Variants in SHROOM1 observed in about 807,000 individuals in gnomAD.
SHROOM1 encodes the protein shroom family member 1.
SHROOM1 carries 53 observed loss-of-function variants against 64.2 expected under a neutral mutation model. The ratio of observed to expected loss-of-function variants is 0.83; its 90% CI spans 0.66 to 1.04. The LOEUF (loss-of-function observed/expected upper bound fraction) is 1.04. Ranked by LOEUF, SHROOM1 falls within the 50% of genes least tolerant of loss-of-function variation. The pLI is 0.00. For missense variants in SHROOM1, 1,179 were observed against 1,163.2 expected (o/e 1.01, Z -0.20); for synonymous variants, 490 against 518.9 (o/e 0.94, Z 0.76).
At chr5:132,828,190 G>A (rs1581235522) in intron 1 of SHROOM1, among the ~76,000 whole-genome samples, 1 of 152,230 alleles carries the variant, frequency 6.6e-6, no homozygotes, top group East Asian at 1.9e-4. Flanking sequence ...TGAGGCCCAG[G>A]ATGTTACAGA....
In SHROOM1 at chr5:132,824,342, G is replaced by C. The variant is rs150299882; in HGVS notation, c.1319C>G (p.Pro440Arg). ...TGCAGTTCCTGGACACTCATGGAGC[G>C]GGTACTCTGTGGGGACTGTAACCTG... ...TGQVTVPTEY[P>R]LHECPGTAGA... The change falls in exon 7 of 10, where the codon CCG becomes CGG. Residue 440 changes from proline (P) to arginine (R), a missense_variant. Transcript: ENST00000378679. The C allele has an allele frequency of 2.7e-5, 44 of 1,608,142 alleles. No homozygotes were observed. Among genetic ancestry groups the C allele is most frequent in the Non-Finnish European group, 3.2e-5 (38 of 1,177,146 alleles).
At position 132,824,620 on chromosome 5, in the gene SHROOM1, TG is replaced by T; in HGVS notation, c.1235del (p.Pro412GlnfsTer15). 1 of 1,606,666 alleles carries T rather than the reference TG, an allele frequency of 6.2e-7. No individual in the cohort carries two copies. The highest frequency in any genetic ancestry group is 8.5e-7 in the Non-Finnish European group (1 of 1,174,560). On this transcript the variant is annotated frameshift_variant, in exon 6 of 10. Transcript: ENST00000378679. LOFTEE classifies it high-confidence loss of function. ...PPDPHASQGP[P>X]ASVHASDQPY... Reference sequence around the variant, plus strand: ...TGGAAGCAAGAGGGAATTACCTGGCTGGGGGCCCCTGGGAGGCATGGGGGTC... The same window carrying T: ...TGGAAGCAAGAGGGAATTACCTGGCTGGGGCCCCTGGGAGGCATGGGGGTC...
At chr5:132,828,388 G>A (rs1380403782) in intron 1 of SHROOM1, among the ~76,000 whole-genome samples, 1 of 152,172 alleles carries the variant, frequency 6.6e-6, no homozygotes, top group East Asian at 1.9e-4. Context: ...CTCACACTTA[G>A]GGTTGGGGAC....
chr5:132,822,994 G>T lies in SHROOM1; in HGVS notation c.2361C>A (p.Arg787=). 6.2e-7 allele frequency: 1 copy of T among 1,606,958 alleles called. No homozygotes were observed. Among genetic ancestry groups the T allele is most frequent in the Non-Finnish European group, 8.5e-7 (1 of 1,179,706 alleles). ...LVRALPVEEL[R]VYCALLAGKA... ...TGCCCGCCAGCAGGGCGCAATAGAC[G>T]CGCAGCTCCTCCACCGGTAGTGCTC... The change falls in exon 10 of 10, where the codon CGC becomes CGA. Residue 787 remains arginine (R), a synonymous_variant. Coordinates refer to ENST00000378679, the MANE Select transcript of SHROOM1 (RefSeq NM_001172700.2).
Position 132,822,991 on chromosome 5 carries a change from G to A in SHROOM1, c.2364C>T (p.Val788=), listed in dbSNP as rs765300774. The A allele has an allele frequency of 1.2e-6, 2 of 1,607,466 alleles. No homozygotes were observed. Among genetic ancestry groups the A allele is most frequent in the Non-Finnish European group, 1.7e-6 (2 of 1,179,730 alleles). The change falls in exon 10 of 10, where the codon GTC becomes GTT. Residue 788 remains valine (V), a synonymous_variant. Coordinates refer to ENST00000378679, the MANE Select transcript of SHROOM1 (RefSeq NM_001172700.2). ...CCTTGCCCGCCAGCAGGGCGCAATA[G>A]ACGCGCAGCTCCTCCACCGGTAGTG... ...VRALPVEELR[V]YCALLAGKAA... is the part of the protein sequence containing the mutation.
In SHROOM1 at chr5:132,822,480, C is replaced by T. The variant is rs1445293929; in HGVS notation, c.*316G>A. The T allele has an allele frequency of 1.7e-5, 4 of 230,404 alleles. No individual in the cohort carries two copies. Among genetic ancestry groups the T allele is most frequent in the Non-Finnish European group, 3.4e-5 (4 of 118,548 alleles). The allele number at this position is 230,404 out of a possible 1,614,324, so 14.3% of individuals were successfully genotyped here. A position where few individuals can be genotyped will look rare whatever the true frequency, so the allele number is the denominator to read the frequency against. ...CCAGGTTCACGCCATTCTCCTGCCT[C>T]AGCCTTCCGAGTAGCTGGCAATACA... is the stretch of plus-strand genomic sequence containing the variant. On this transcript the variant is annotated 3_prime_UTR_variant, in exon 10 of 10. Transcript: ENST00000378679.
chr5:132,829,247 C>T (rs560609559), intron 1 of SHROOM1, among the ~76,000 whole-genome samples: 1 of 152,280 alleles, frequency 6.6e-6, no homozygotes, highest in East Asian at 1.9e-4. Flanking sequence ...AGGAAGGAGA[C>T]GAAGATGAGA....
At position 132,826,495 on chromosome 5, in the gene SHROOM1, G is replaced by T. The variant is rs1581234176; in HGVS notation, c.-261C>A. On this transcript the variant is annotated 5_prime_UTR_variant, in exon 3 of 10. Transcript: ENST00000378679. ...CCTTTACCCTGAGACCTCCTGGAAC[G>T]CTGAGAATGTACCCATGTTCCTTTC... 3.8e-6 allele frequency: 1 copy of T among 260,024 alleles called. No homozygotes were observed. Among genetic ancestry groups the T allele is most frequent in the Non-Finnish European group, 7.2e-6 (1 of 138,154 alleles). 16.1% of individuals were successfully genotyped at this position (260,024 alleles called of 1,614,324 possible). A position where few individuals can be genotyped will look rare whatever the true frequency, so the allele number is the denominator to read the frequency against.
chr5:132,826,287 C>T lies in SHROOM1; in HGVS notation c.-53G>A. The stretch of plus-strand genomic sequence containing the variant: ...CGGCCAGACACTTACACTTCCCCTC[C>T]CTGGTCACACCGTCACAAGCGCTGG... On this transcript the variant is annotated 5_prime_UTR_variant, in exon 3 of 10. Transcript: ENST00000378679. The T allele has an allele frequency of 8.0e-7, 1 of 1,245,120 alleles. No homozygotes were observed. Among genetic ancestry groups the T allele is most frequent in the Middle Eastern group, 3.1e-4 (1 of 3,246 alleles). 77.1% of individuals were successfully genotyped at this position (1,245,120 alleles called of 1,614,324 possible).
In SHROOM1 at chr5:132,824,026, C is replaced by A. The variant is rs1464098113; in HGVS notation, c.1635G>T (p.Leu545=). The A allele has an allele frequency of 1.2e-6, 2 of 1,607,394 alleles. No homozygotes were observed. The highest frequency in any genetic ancestry group is 1.1e-5 in the South Asian group (1 of 89,724). Residue 545 remains leucine (L), a synonymous_variant, in exon 7 of 10, where the codon CTG becomes CTT. Coordinates refer to ENST00000378679, the MANE Select transcript of SHROOM1 (RefSeq NM_001172700.2). Reference sequence around the variant, plus strand: ...GATCTAATCTGGCCAGCTCCTGAACCAGCTCCTCGAGGCACTGACTAGGCC... The same window carrying A: ...GATCTAATCTGGCCAGCTCCTGAACAAGCTCCTCGAGGCACTGACTAGGCC... ...PTWPSQCLEE[L]VQELARLDPS... is the part of the protein sequence containing the mutation.
chr5:132,827,993 G>A (rs1336295118), intron 1 of SHROOM1, among the ~76,000 whole-genome samples: 1 of 152,140 alleles, frequency 6.6e-6, no homozygotes, highest in Non-Finnish European at 1.5e-5. Flanking sequence ...TTGGGAAAGG[G>A]CAGTGTTGAG....
In SHROOM1 at chr5:132,830,030, C is replaced by T; in HGVS notation, c.-501+564G>A. 4 of 985,412 alleles carry T rather than the reference C, an allele frequency of 4.1e-6. No homozygotes were observed. Among genetic ancestry groups the T allele is most frequent in the Non-Finnish European group, 4.8e-6 (4 of 829,896 alleles). The allele number at this position is 985,412 out of a possible 1,614,324, so 61.0% of individuals were successfully genotyped here. A position where few individuals can be genotyped will look rare whatever the true frequency, so the allele number is the denominator to read the frequency against. ...CGCGGGCGTGGACAGACCCGGTTAC[C>T]TGGGGTTCAATCTCTGGGAGCCGAG... On this transcript the variant is annotated intron_variant, in intron 1 of 9. Coordinates refer to ENST00000378679, the MANE Select transcript of SHROOM1 (RefSeq NM_001172700.2). This position sits in a 1 kb window ranked among gnomAD's most constrained non-coding sequence, Gnocchi z 5.9.
At position 132,825,017 on chromosome 5, in the gene SHROOM1, C is replaced by T; in HGVS notation, c.1034+1G>A. 3 of 1,614,074 alleles carry T rather than the reference C, an allele frequency of 1.9e-6. No individual in the cohort carries two copies. The highest frequency in any genetic ancestry group is 2.5e-6 in the Non-Finnish European group (3 of 1,180,016). ...GGTCCAGAGTGGTCCGTGTCTCTCA[C>T]CTGGAAAGTTTGGTCTGAAACAATG... On this transcript the variant is annotated splice_donor_variant, in intron 5 of 9. Coordinates refer to ENST00000378679, the MANE Select transcript of SHROOM1 (RefSeq NM_001172700.2). LOFTEE classifies it high-confidence loss of function. The surrounding 1 kb of genome is among the most constrained non-coding windows in gnomAD (Gnocchi z 5.1).
Position 132,824,711 on chromosome 5 carries a change from A to T in SHROOM1, c.1145T>A (p.Leu382His). The change falls in exon 6 of 10, where the codon CTC becomes CAC. Residue 382 changes from leucine (L) to histidine (H), a missense_variant. Transcript: ENST00000378679. ...VSETCIVPAW[L>H]PSLPDEVFLE... is the part of the protein sequence containing the mutation. ...GAACACTTCATCAGGAAGGGAGGGG[A>T]GCCAGGCAGGCACAATGCAGGTCTC... 1.2e-6 allele frequency: 2 copies of T among 1,614,058 alleles called. No individual in the cohort carries two copies. Among genetic ancestry groups the T allele is most frequent in the Non-Finnish European group, 1.7e-6 (2 of 1,180,030 alleles).
chr5:132,827,733 G>A (rs1411121826), intron 1 of SHROOM1, 126 bp from the exon 2 acceptor site: 1 of 152,272 alleles, frequency 6.6e-6, no homozygotes, highest in African/African-American at 2.4e-5. Context: ...AAGGAAGAGA[G>A]TTCCTTAGCT....
chr5:132,825,011 C>G lies in SHROOM1; in HGVS notation c.1034+7G>C. 1 of 1,613,992 alleles carries G rather than the reference C, an allele frequency of 6.2e-7. No homozygotes were observed. Among genetic ancestry groups the G allele is most frequent in the East Asian group, 2.2e-5 (1 of 44,880 alleles). On this transcript the variant is annotated splice_region_variant and intron_variant, in intron 5 of 9. Transcript: ENST00000378679. This position sits in a 1 kb window ranked among gnomAD's most constrained non-coding sequence, Gnocchi z 5.1. ...CAACTTGGTCCAGAGTGGTCCGTGT[C>G]TCTCACCTGGAAAGTTTGGTCTGAA...
At position 132,822,812 on chromosome 5, in the gene SHROOM1, G is replaced by A. The variant is rs992243294; in HGVS notation, c.2543C>T (p.Pro848Leu). The change falls in exon 10 of 10, where the codon CCT becomes CTT. Residue 848 changes from proline to leucine, a missense_variant. Transcript: ENST00000378679. The stretch of plus-strand genomic sequence containing the variant: ...CACCTATAACTATGTAAGGAGAAGA[G>A]GGAAGGGCGGCTGAACTGGAGGACA... ...GTCPPVQPPF[P>L]LLLT 6.8e-6 allele frequency: 11 copies of A among 1,607,496 alleles called. No individual in the cohort carries two copies. The highest frequency in any genetic ancestry group is 8.5e-6 in the Non-Finnish European group (10 of 1,177,288).
Position 132,825,919 on chromosome 5 carries a change from C to CGGGGCG in SHROOM1, c.216_221dup (p.Ala73_Pro74dup). ...GGGATGTGCAAAGGGCAGCGTCGGG[C>CGGGGCG]GGGGCGGGGCCCGGGCCGCCCCAAA... On this transcript the variant is annotated inframe_insertion, in exon 4 of 10. Transcript: ENST00000378679. The surrounding 1 kb of genome is among the most constrained non-coding windows in gnomAD (Gnocchi z 5.1). The CGGGGCG allele has an allele frequency of 1.5e-6, 2 of 1,365,644 alleles. No homozygotes were observed. Among genetic ancestry groups the CGGGGCG allele is most frequent in the Non-Finnish European group, 1.9e-6 (2 of 1,052,406 alleles). The allele number at this position is 1,365,644 out of a possible 1,614,324, so 84.6% of individuals were successfully genotyped here.
In SHROOM1 at chr5:132,825,234, G is replaced by A. The variant is rs1329271165; in HGVS notation, c.907C>T (p.Arg303Trp). 1.5e-5 allele frequency: 25 copies of A among 1,613,876 alleles called. No homozygotes were observed. The highest frequency in any genetic ancestry group is 1.8e-5 in the Non-Finnish European group (21 of 1,180,032). Residue 303 changes from arginine (R) to tryptophan (W), a missense_variant, in exon 4 of 10, where the codon CGG becomes TGG. By Grantham distance (101) the Arg-to-Trp change is moderately radical. Transcript: ENST00000378679. This position sits in a 1 kb window ranked among gnomAD's most constrained non-coding sequence, Gnocchi z 5.1. ...KLGDAFRPASRSRSASGEVLG... is the reference protein window; with the variant it reads ...KLGDAFRPASWSRSASGEVLG... ...ACTTCGCCTGAAGCGCTCCGACTCC[G>A]ACTGGCGGGCCTGAAGGCATCACCG...
Sources: gnomAD v4.1 joint callset for allele counts (sites outside exome capture counted in the v4.1 genomes callset) on GRCh38, gnomAD v4.1.1 for gene constraint, Gnocchi (gnomAD v3.1) non-coding constraint, MANE v1.5 for transcripts, NCBI Gene and HGNC (gene_info 2026-07-23, HGNC 2026-07-21) for gene names.